The following PCDHA4 variants were observed in gnomAD, a reference collection of about 807,000 sequenced individuals.
PCDHA4 encodes protocadherin alpha 4, also known as protocadherin alpha-4.
A neutral mutation model predicts 61.4 loss-of-function variants in PCDHA4; 49 were observed. The ratio of observed to expected loss-of-function variants is 0.80; its 90% CI spans 0.63 to 1.01. The LOEUF (loss-of-function observed/expected upper bound fraction) is 1.01. Among genes scored for constraint, PCDHA4 ranks in the 50% least tolerant of loss-of-function variants. PCDHA4 has a pLI of 0.00. For missense variants in PCDHA4, 1,254 were observed against 1,235.8 expected (o/e 1.01, Z -0.22); for synonymous variants, 590 against 550.3 (o/e 1.07, Z -1.01).
At chr5:140,875,875 G>T in intron 1 of PCDHA4, 1 of 1,614,232 alleles carries the variant, frequency 6.2e-7, no homozygotes, top group South Asian at 1.1e-5. Flanking sequence ...GGTGTTCAGA[G>T]AAAGGGAACA....
At chr5:140,848,272 A>G (rs1781411932) in intron 1 of PCDHA4, 2 of 538,068 alleles carry the variant, frequency 3.7e-6, no homozygotes, top group Non-Finnish European at 6.6e-6. Context: ...TATTCATGAA[A>G]TATGTACTTA....
At chr5:140,873,078 T>A (rs1375879471) in intron 1 of PCDHA4, among the ~76,000 whole-genome samples, 19 of 152,184 alleles carry the variant, frequency 1.2e-4, no homozygotes, top group Admixed American at 9.2e-4. Flanking sequence ...ATCTAGCTAT[T>A]TCCCCCCCGT....
intron 1 of PCDHA4, among the ~76,000 whole-genome samples, chr5:140,886,068 GC>G (rs1462692271): frequency 5.3e-5 from 8 of 152,098 alleles, no homozygotes; most frequent in African/African-American, 9.7e-5. Context: ...AAAGCGTAGG[GC>G]CATACCACAA....
chr5:140,807,745 C>A lies in PCDHA4; in HGVS notation c.558C>A (p.Asp186Glu). 1 of 1,614,132 alleles carries A rather than the reference C, an allele frequency of 6.2e-7. No individual in the cohort carries two copies. Among genetic ancestry groups the A allele is most frequent in the Non-Finnish European group, 8.5e-7 (1 of 1,180,040 alleles). ...TTTCTCTGGAAAAACCACCTGATGA[C>A]GAGCTGGTAAAAGGTCTTGGGCTTA... is the stretch of plus-strand genomic sequence containing the variant. ...EYFSLEKPPD[D>E]ELVKGLGLIL... Residue 186 changes from aspartate (D) to glutamate (E), a missense_variant, in exon 1 of 4, where the codon GAC (aspartate) becomes GAA (glutamate). Asp to Glu is a conservative substitution (Grantham distance 45). Transcript: ENST00000530339.
chr5:140,857,572 G>A lies in PCDHA4; in HGVS notation c.2385+48000G>A, dbSNP rs144978636. ...AGCGCTCGCTGTCGAGCTACGTGTCGGTGCACGCGGAGAGCGGCAAGGTGT... is the reference window on the plus strand; with the variant it reads ...AGCGCTCGCTGTCGAGCTACGTGTCAGTGCACGCGGAGAGCGGCAAGGTGT... On this transcript the variant is annotated intron_variant, in intron 1 of 3. Transcript: ENST00000530339. 1.4e-3 allele frequency: 2,186 copies of A among 1,596,706 alleles called. 111 individuals are homozygous for A. In the African/African-American group the frequency reaches 0.025, roughly 18 times the overall value.
chr5:140,884,460 C>A (rs782410675), intron 1 of PCDHA4: 72 of 1,613,614 alleles, frequency 4.5e-5, no homozygotes, highest in Non-Finnish European at 5.8e-5. Context: ...ACCGAGGGCG[C>A]GTGCGCGCCG....
chr5:140,928,801 G>T (rs1554206325), intron 1 of PCDHA4: 1 of 1,614,066 alleles, frequency 6.2e-7, no homozygotes, highest in African/African-American at 1.3e-5. Flanking sequence ...GGTGGTGGTA[G>T]TGGTTCGGGA....
intron 1 of PCDHA4, chr5:140,869,467 G>A: frequency 6.2e-7 from 1 of 1,614,204 alleles, no homozygotes; most frequent in South Asian, 1.1e-5. Context: ...TGTGAACGTG[G>A]AGGTGAAGGA....
intron 1 of PCDHA4, among the ~76,000 whole-genome samples, chr5:140,893,013 CCTGACTTATTTCA>C (rs2063781212): frequency 6.6e-6 from 1 of 152,170 alleles, no homozygotes; most frequent in African/African-American, 2.4e-5. Context: ...TTTTTCTGTG[CCTGACTTATTTCA>C]CTTAACATAT....
rs146952531 is a variant in PCDHA4 at position 140,951,754 on chromosome 5, G to A, written c.2386-27195G>A. Among the ~76,000 whole-genome samples the A allele has an allele frequency of 4.6e-3, 703 of 152,152 alleles. 3 individuals are homozygous for A. The highest frequency in any genetic ancestry group is 0.016 in the African/African-American group (681 of 41,502). ...TTCTGCCACTGCCCTCACCCTCCGC[G>A]AAATCTCATGACGTTCTTACATTGC... On this transcript the variant is annotated intron_variant, in intron 1 of 3. Transcript: ENST00000530339.
chr5:140,877,096 G>C (rs1554169320), intron 1 of PCDHA4: 1 of 1,613,378 alleles, frequency 6.2e-7, no homozygotes, highest in Non-Finnish European at 8.5e-7. Flanking sequence ...CGACGCCGGC[G>C]TGCCGCCTCT....
Position 140,863,052 on chromosome 5 carries a change from C to A in PCDHA4, c.2385+53480C>A, listed in dbSNP as rs782611491. On this transcript the variant is annotated intron_variant, in intron 1 of 3. Transcript: ENST00000530339. ...CAGCTGCATCTGTCAGCTGGCAGCA[C>A]CCGTTCCACGTGGGGCTCTGCACGG... The A allele has an allele frequency of 3.2e-5, 18 of 562,664 alleles. No individual in the cohort carries two copies. The East Asian group carries it at 8.4e-4, about 26-fold the overall frequency. 34.9% of individuals were successfully genotyped at this position (562,664 alleles called of 1,614,324 possible).
At chr5:140,835,989 AGCGCGCGCGATGCG>A (rs2150249668) in intron 1 of PCDHA4, 4 of 1,613,288 alleles carry the variant, frequency 2.5e-6, no homozygotes. Context: ...GTTCCAGGTG[AGCGCGCGCGATGCG>A]GGCGTGCCGC....
intron 1 of PCDHA4, chr5:140,828,112 T>C (rs970956452): frequency 6.2e-7 from 1 of 1,611,926 alleles, no homozygotes; most frequent in Non-Finnish European, 8.5e-7. Flanking sequence ...CCCCGGAGGA[T>C]AGATTGGGAA....
intron 1 of PCDHA4, chr5:140,967,401 G>T (rs374310490): frequency 1.2e-6 from 2 of 1,611,944 alleles, no homozygotes; most frequent in Non-Finnish European, 1.7e-6. Flanking sequence ...CTGGTGCTGC[G>T]TAAGGGCCTA....
At chr5:140,912,130 T>A (rs1554195167) in intron 1 of PCDHA4, among the ~76,000 whole-genome samples, 1 of 152,156 alleles carries the variant, frequency 6.6e-6, no homozygotes, top group Non-Finnish European at 1.5e-5. Flanking sequence ...GTCAGTCTAA[T>A]CTCTCCATGT....
intron 1 of PCDHA4, chr5:140,871,242 G>A: frequency 1.2e-6 from 2 of 1,613,980 alleles, no homozygotes; most frequent in Non-Finnish European, 8.5e-7. Flanking sequence ...TGGTACTCAC[G>A]CTGCTGCTGT....
chr5:140,823,140 G>C (rs373077783), intron 1 of PCDHA4: 64 of 1,614,000 alleles, frequency 4.0e-5, no homozygotes, highest in Non-Finnish European at 5.3e-5. Context: ...CGGCGTTCGC[G>C]CAGCCCCAGT....
At position 140,987,445 on chromosome 5, in the gene PCDHA4, G is replaced by A. The variant is rs141923390; in HGVS notation, c.2533+4882G>A. Among the ~76,000 whole-genome samples, 799 of 152,220 alleles carry A rather than the reference G, an allele frequency of 5.2e-3. 4 individuals carry two copies. The highest frequency in any genetic ancestry group is 0.018 in the African/African-American group (765 of 41,528). On this transcript the variant is annotated intron_variant, in intron 3 of 3. Transcript: ENST00000530339. ...AAGCAGGGGGCCTTTCCCCATGCCC[G>A]AGAGATAATTGTTAAGAGCTCAAGC...
Sources: gnomAD v4.1 joint callset for allele counts (sites outside exome capture counted in the v4.1 genomes callset) on GRCh38, gnomAD v4.1.1 for gene constraint, MANE v1.5 for transcripts, NCBI Gene and HGNC (gene_info 2026-07-23, HGNC 2026-07-21) for gene names.